Variants in WWOX observed in about 807,000 individuals in gnomAD.
WWOX encodes WW domain-containing oxidoreductase.
A neutral mutation model predicts 46.2 loss-of-function variants in WWOX; 69 were observed. The ratio of observed to expected loss-of-function variants is 1.49; its 90% CI spans 1.23 to 1.82. The LOEUF is 1.82. WWOX is among the 40% of genes most tolerant of loss of function. The probability of loss-of-function intolerance (pLI) is 0.00; values close to 1 mark genes in which losing one functional copy is unlikely to be tolerated. For synonymous variants in WWOX, 359 were observed against 202.6 expected, an observed-to-expected ratio of 1.77 and a Z score of -6.56; for missense variants, 919 against 542.6, an observed-to-expected ratio of 1.69 and a Z score of -6.89.
chr16:79,041,090 T>C (rs1460674687), intron 8 of WWOX, among the ~76,000 whole-genome samples: 6 of 152,086 alleles, frequency 3.9e-5, no homozygotes, highest in Non-Finnish European at 7.3e-5. Flanking sequence ...TCCTAATACA[T>C]GTAATTCATT....
At chr16:78,189,604 A>G (rs1022313663) in intron 5 of WWOX, among the ~76,000 whole-genome samples, 5 of 152,352 alleles carry the variant, frequency 3.3e-5, no homozygotes, top group African/African-American at 9.6e-5. Flanking sequence ...GCCAGTGGCT[A>G]TCATAATAAT....
chr16:78,404,141 CTG>C (rs2082473497), intron 6 of WWOX, among the ~76,000 whole-genome samples: 1 of 151,968 alleles, frequency 6.6e-6, no homozygotes, highest in African/African-American at 2.4e-5. Context: ...ACCTAAATGA[CTG>C]TGTTGTGGAT....
intron 8 of WWOX, among the ~76,000 whole-genome samples, chr16:79,029,692 C>T (rs991082682): frequency 7.9e-5 from 12 of 152,078 alleles, no homozygotes; most frequent in Admixed American, 1.3e-4. Context: ...GGCATTGATG[C>T]GCTTAATTAT....
chr16:78,527,296 CT>C (rs368608216), intron 8 of WWOX, among the ~76,000 whole-genome samples: 63 of 138,548 alleles, frequency 4.5e-4, no homozygotes, highest in Middle Eastern at 7.6e-3. Context: ...TTTTTTCTTT[CT>C]TTTTTTTTTT....
chr16:79,028,467 T>TA (rs1308495857), intron 8 of WWOX, among the ~76,000 whole-genome samples: 1 of 151,802 alleles, frequency 6.6e-6, no homozygotes, highest in Non-Finnish European at 1.5e-5. Context: ...GAAGAGTTGA[T>TA]AAAAAAGCAC....
intron 8 of WWOX, among the ~76,000 whole-genome samples, chr16:79,057,606 C>G (rs1007407394): frequency 1.3e-5 from 2 of 152,046 alleles, no homozygotes; most frequent in Admixed American, 6.6e-5. Context: ...CAGTGTGAGT[C>G]CTTTGATCCT....
At chr16:79,054,541 G>T (rs1010827866) in intron 8 of WWOX, among the ~76,000 whole-genome samples, 1 of 152,150 alleles carries the variant, frequency 6.6e-6, no homozygotes, top group African/African-American at 2.4e-5. Context: ...AGAGTGATGG[G>T]TCTGGTACAG....
rs538076343 is a variant in WWOX, at chr16:78,675,245, GC to G, written c.1056+242494del. On this transcript the variant is annotated intron_variant, in intron 8 of 8. Coordinates refer to ENST00000566780, the MANE Select transcript of WWOX (RefSeq NM_016373.4). ...CTCACTCAAGATCACGTGGAATCAAGCAGAGAAGCTGGGGTTTTAATTCAGA... is the reference window on the plus strand; with the variant it reads ...CTCACTCAAGATCACGTGGAATCAAGAGAGAAGCTGGGGTTTTAATTCAGA... Among the ~76,000 whole-genome samples the G allele has an allele frequency of 1.2e-4, 19 of 152,240 alleles. No individual in the cohort carries two copies. The South Asian group carries it at 3.5e-3, about 28-fold the overall frequency.
chr16:78,662,974 TCA>T (rs1242843595), intron 8 of WWOX, among the ~76,000 whole-genome samples: 1 of 152,152 alleles, frequency 6.6e-6, no homozygotes. Context: ...ATCTTGGAAG[TCA>T]CATCCTATCG....
At chr16:78,514,197 G>A (rs2085433455) in intron 8 of WWOX, among the ~76,000 whole-genome samples, 1 of 152,138 alleles carries the variant, frequency 6.6e-6, no homozygotes, top group African/African-American at 2.4e-5. Context: ...CCTAGTCTAT[G>A]TTATAGAACA....
At chr16:78,122,099 ATTG>A (rs1298672001) in intron 4 of WWOX, among the ~76,000 whole-genome samples, 1 of 152,158 alleles carries the variant, frequency 6.6e-6, no homozygotes, top group African/African-American at 2.4e-5. Context: ...TTTTATTATT[ATTG>A]TTGATCTCTT....
intron 8 of WWOX, among the ~76,000 whole-genome samples, chr16:78,798,283 C>A (rs1278160706): frequency 6.6e-6 from 1 of 151,860 alleles, no homozygotes; most frequent in East Asian, 1.9e-4. Context: ...GAGTAGAAGT[C>A]AGGCTCAGAT....
At chr16:78,154,770 C>T (rs1219707696) in intron 4 of WWOX, among the ~76,000 whole-genome samples, 3 of 152,120 alleles carry the variant, frequency 2.0e-5, no homozygotes, top group East Asian at 3.9e-4. Context: ...TAGGGTTTGA[C>T]ATGGTTTAAA....
At chr16:78,745,782 A>C (rs1001867944) in intron 8 of WWOX, among the ~76,000 whole-genome samples, 1 of 145,422 alleles carries the variant, frequency 6.9e-6, no homozygotes, top group Non-Finnish European at 1.5e-5. Context: ...CCCTTCAAAT[A>C]GTTCCAAGAC....
intron 8 of WWOX, among the ~76,000 whole-genome samples, chr16:78,950,140 AAG>A (rs1433397207): frequency 6.6e-6 from 1 of 152,188 alleles, no homozygotes; most frequent in Non-Finnish European, 1.5e-5. Flanking sequence ...TTGGTTCAAA[AAG>A]AGAGTATGAT....
intron 8 of WWOX, among the ~76,000 whole-genome samples, chr16:78,623,629 C>T (rs527248324): frequency 9.9e-5 from 15 of 151,404 alleles, no homozygotes; most frequent in Admixed American, 2.6e-4. Context: ...GCAGTGAGTG[C>T]GGTGGCAGCT....
chr16:78,888,911 C>G (rs995226694), intron 8 of WWOX, among the ~76,000 whole-genome samples: 2 of 151,996 alleles, frequency 1.3e-5, no homozygotes, highest in Non-Finnish European at 2.9e-5. Flanking sequence ...CTCACAGTGG[C>G]AATTTCAAGC....
intron 6 of WWOX, among the ~76,000 whole-genome samples, chr16:78,424,177 G>A (rs1484640949): frequency 1.4e-5 from 2 of 144,914 alleles, no homozygotes; most frequent in African/African-American, 5.2e-5. Flanking sequence ...GAGTGCAGTG[G>A]CATGATCTTA....
At chr16:79,049,078 C>G (rs1378014798) in intron 8 of WWOX, among the ~76,000 whole-genome samples, 1 of 152,172 alleles carries the variant, frequency 6.6e-6, no homozygotes, top group East Asian at 1.9e-4. Flanking sequence ...ACAGTTTATA[C>G]TTTAGTGCAG....
Sources: gnomAD v4.1 joint callset for allele counts (sites outside exome capture counted in the v4.1 genomes callset) on GRCh38, gnomAD v4.1.1 for gene constraint, MANE v1.5 for transcripts, NCBI Gene and HGNC (gene_info 2026-07-23, HGNC 2026-07-21) for gene names.